Variants in MDGA2 observed in about 807,000 individuals in gnomAD.
MDGA2 encodes MAM domain containing glycosylphosphatidylinositol anchor 2, also known as MAM domain-containing glycosylphosphatidylinositol anchor protein 2.
A neutral mutation model predicts 117.8 loss-of-function variants in MDGA2; 40 were observed. The ratio of observed to expected loss-of-function variants is 0.34; its 90% confidence interval spans 0.26 to 0.44. The LOEUF is 0.44. MDGA2 is among the 20% of genes least tolerant of loss of function. MDGA2 has a pLI of 1.00. For synonymous variants in MDGA2, 452 were observed against 439.0 expected, an observed-to-expected ratio of 1.03 and a Z score of -0.37; for missense variants, 1,123 against 1,250.6, an observed-to-expected ratio of 0.90 and a Z score of 1.54.
chr14:47,626,670 G>C (rs541223444), intron 1 of MDGA2: 11 of 152,626 alleles, frequency 7.2e-5, no homozygotes, highest in Non-Finnish European at 1.2e-4. Context: ...CAGCCCCGTC[G>C]GCCCGGGCGG....
At chr14:47,386,914 T>C (rs1365683362) in intron 1 of MDGA2, among the ~76,000 whole-genome samples, 3 of 152,192 alleles carry the variant, frequency 2.0e-5, no homozygotes, top group African/African-American at 7.2e-5. Flanking sequence ...AGTATTAATA[T>C]CTACTTCACT....
At chr14:46,886,459 C>T (rs1312000299) in intron 10 of MDGA2, among the ~76,000 whole-genome samples, 1 of 151,778 alleles carries the variant, frequency 6.6e-6, no homozygotes, top group East Asian at 1.9e-4. Flanking sequence ...TAGCTATGTA[C>T]ATATTAAAGA....
chr14:47,200,475 A>G, intron 3 of MDGA2: 5 of 488,274 alleles, frequency 1.0e-5, no homozygotes, highest in Non-Finnish European at 1.8e-5. Context: ...GTTTTTAATT[A>G]CTCATATATG....
At chr14:47,623,760 G>C (rs1020112118) in intron 1 of MDGA2, among the ~76,000 whole-genome samples, 1 of 152,106 alleles carries the variant, frequency 6.6e-6, no homozygotes, top group Non-Finnish European at 1.5e-5. Flanking sequence ...CCCAATGTGA[G>C]TTTGTAATGG....
intron 1 of MDGA2, among the ~76,000 whole-genome samples, chr14:47,600,815 G>T (rs1200700530): frequency 2.0e-5 from 3 of 151,692 alleles, no homozygotes; most frequent in African/African-American, 7.3e-5. Flanking sequence ...CTGTCTGATT[G>T]CTCAGAAGTC....
At chr14:47,054,186 G>A (rs777309474) in intron 7 of MDGA2, among the ~76,000 whole-genome samples, 5 of 151,678 alleles carry the variant, frequency 3.3e-5, no homozygotes, top group Admixed American at 6.6e-5. Flanking sequence ...GTTTTCTTAC[G>A]CTCCCTTTCA....
chr14:47,596,410 C>G (rs1896543461), intron 1 of MDGA2, among the ~76,000 whole-genome samples: 1 of 152,106 alleles, frequency 6.6e-6, no homozygotes, highest in Admixed American at 6.6e-5. Flanking sequence ...TCTGGAAAGT[C>G]CATTTTAGAG....
At chr14:47,101,118 T>C (rs780632382) in intron 5 of MDGA2, among the ~76,000 whole-genome samples, 10 of 123,882 alleles carry the variant, frequency 8.1e-5, no homozygotes, top group Non-Finnish European at 1.4e-4. Context: ...GATAGATAGA[T>C]AGATAGACAG....
intron 2 of MDGA2, among the ~76,000 whole-genome samples, chr14:47,300,126 T>A (rs1170769761): frequency 6.6e-6 from 1 of 152,218 alleles, no homozygotes; most frequent in Non-Finnish European, 1.5e-5. Flanking sequence ...CAGTAAGAGT[T>A]AAGAATGGCA....
chr14:47,030,234 C>G lies in MDGA2; in HGVS notation c.1819+4777G>C, dbSNP rs181274005. Among the ~76,000 whole-genome samples the G allele has an allele frequency of 4.6e-5, 7 of 152,070 alleles. No homozygotes were observed. In the East Asian group the frequency reaches 1.4e-3, roughly 30 times the overall value. ...TGTTTAGAAAGTTGTTTTAGTTGTT[C>G]AGGCGCAGTGACTCACACCTGTCAA... On this transcript the variant is annotated intron_variant, in intron 8 of 16. Transcript: ENST00000399232.
At chr14:47,254,391 CAA>C (rs1566704907) in intron 2 of MDGA2, among the ~76,000 whole-genome samples, 2 of 152,334 alleles carry the variant, frequency 1.3e-5, no homozygotes, top group South Asian at 4.1e-4. Flanking sequence ...CACTCACACT[CAA>C]AGTTTCACAG....
At chr14:47,037,881 C>G (rs934813625) in intron 7 of MDGA2, among the ~76,000 whole-genome samples, 1 of 152,156 alleles carries the variant, frequency 6.6e-6, no homozygotes, top group African/African-American at 2.4e-5. Flanking sequence ...CAAAAACAAG[C>G]TACCTGACCT....
chr14:47,026,134 TA>T (rs1270754970), intron 8 of MDGA2, among the ~76,000 whole-genome samples: 1 of 152,188 alleles, frequency 6.6e-6, no homozygotes, highest in East Asian at 1.9e-4. Flanking sequence ...TAAAATATGA[TA>T]TTACATCAAA....
At chr14:47,474,618 G>A (rs187407658) in intron 1 of MDGA2, among the ~76,000 whole-genome samples, 194 of 152,218 alleles carry the variant, frequency 1.3e-3, no homozygotes, top group African/African-American at 4.3e-3. Context: ...AAACGTCACG[G>A]TACTGGTCCA....
At chr14:47,256,097 CTT>C (rs113355073) in intron 2 of MDGA2, among the ~76,000 whole-genome samples, 6 of 136,118 alleles carry the variant, frequency 4.4e-5, no homozygotes, top group African/African-American at 1.1e-4. Context: ...AATCAAATTT[CTT>C]TTTTTTTTTT....
chr14:47,470,938 T>C (rs951773318), intron 1 of MDGA2, among the ~76,000 whole-genome samples: 4 of 152,172 alleles, frequency 2.6e-5, no homozygotes, highest in Non-Finnish European at 4.4e-5. Context: ...TGAATTTACA[T>C]ATTATGATTT....
chr14:47,590,486 G>C (rs571854786), intron 1 of MDGA2, among the ~76,000 whole-genome samples: 1 of 151,798 alleles, frequency 6.6e-6, no homozygotes, highest in East Asian at 1.9e-4. Flanking sequence ...TGAATACTAG[G>C]TACAATTTTT....
intron 1 of MDGA2, among the ~76,000 whole-genome samples, chr14:47,562,853 G>A (rs1895842618): frequency 6.6e-6 from 1 of 151,774 alleles, no homozygotes; most frequent in African/African-American, 2.4e-5. Context: ...ATCTTTTTTT[G>A]GTGGGAGTTT....
chr14:47,275,272 G>C (rs1888274039), intron 2 of MDGA2, among the ~76,000 whole-genome samples: 1 of 152,136 alleles, frequency 6.6e-6, no homozygotes, highest in Non-Finnish European at 1.5e-5. Context: ...GCTTAGAACA[G>C]GGTAGAGTCC....
Sources: gnomAD v4.1 joint callset for allele counts (sites outside exome capture counted in the v4.1 genomes callset) on GRCh38, gnomAD v4.1.1 for gene constraint, MANE v1.5 for transcripts, NCBI Gene and HGNC (gene_info 2026-07-23, HGNC 2026-07-21) for gene names.